The following PPHLN1 variants were observed in gnomAD, a reference collection of about 807,000 sequenced individuals.
PPHLN1 encodes the protein periphilin 1.
PPHLN1 carries 29 observed loss-of-function variants against 51.3 expected under a neutral mutation model. The ratio of observed to expected loss-of-function variants is 0.57; its 90% CI spans 0.42 to 0.77. The LOEUF (loss-of-function observed/expected upper bound fraction) is 0.77, where lower values mean the gene tolerates loss of function less well. Ranked by LOEUF, PPHLN1 falls within the 30% of genes least tolerant of loss-of-function variation. The pLI, the probability that PPHLN1 is intolerant of heterozygous loss-of-function variation, is 0.00. For missense variants in PPHLN1, 436 were observed against 438.4 expected (o/e 0.99, Z 0.05); for synonymous variants, 147 against 147.8 (o/e 0.99, Z 0.04).
At chr12:42,445,015 G>C, downstream of PPHLN1, 1 of 701,342 alleles carries the variant, frequency 1.4e-6, no homozygotes. Flanking sequence ...AATATTGTTA[G>C]TGACTCTGCT....
intron 7 of PPHLN1, 63 bp downstream of exon 7, chr12:42,387,598 CAGATG>C: frequency 1.3e-6 from 2 of 1,546,274 alleles, no homozygotes; most frequent in South Asian, 1.2e-5. Context: ...CTGACTAGTA[CAGATG>C]CTTTTATTCT....
intron 9 of PPHLN1, among the ~76,000 whole-genome samples, chr12:42,438,342 A>G (rs913277624): frequency 6.6e-6 from 1 of 152,078 alleles, no homozygotes; most frequent in African/African-American, 2.4e-5. Context: ...GGTGGTGTCA[A>G]ATTTTTTTGT....
intron 4 of PPHLN1, among the ~76,000 whole-genome samples, chr12:42,365,479 T>A (rs906320620): frequency 6.6e-6 from 1 of 152,178 alleles, no homozygotes; most frequent in Non-Finnish European, 1.5e-5. Context: ...AACATATGTC[T>A]GCTGACACTG....
downstream of PPHLN1, chr12:42,446,137 T>TCGTCGGACGA (rs1389162526): frequency 6.3e-7 from 1 of 1,580,806 alleles, no homozygotes; most frequent in Non-Finnish European, 8.6e-7. Flanking sequence ...CGACACAGCT[T>TCGTCGGACGA]CGTCGGACGA....
chr12:42,388,508 T>G (rs1456113713), intron 7 of PPHLN1, among the ~76,000 whole-genome samples: 1 of 152,168 alleles, frequency 6.6e-6, no homozygotes, highest in Non-Finnish European at 1.5e-5. Flanking sequence ...TGCATTCCTC[T>G]TGCTGAGATA....
chr12:42,329,257 G>GC (rs1185570966), intron 1 of PPHLN1, among the ~76,000 whole-genome samples: 1 of 151,478 alleles, frequency 6.6e-6, no homozygotes, highest in East Asian at 1.9e-4. Flanking sequence ...GCCCACCACC[G>GC]CCCCCGGCTA....
chr12:42,414,405 A>G (rs957638969), intron 9 of PPHLN1, among the ~76,000 whole-genome samples: 3 of 152,180 alleles, frequency 2.0e-5, no homozygotes, highest in African/African-American at 4.8e-5. Context: ...TTTTCATTAT[A>G]TTGATTCTTC....
At position 42,348,827 on chromosome 12, in the gene PPHLN1, T is replaced by G. The variant is rs528127906; in HGVS notation, c.73-3058T>G. ...TTTTGGCTTAATGTCAGTTTTTTTT[T>G]TGGGCAGCTTAGTACTTAAATTTAA... On this transcript the variant is annotated intron_variant, in intron 2 of 9. Coordinates refer to ENST00000358314, the MANE Select transcript of PPHLN1 (RefSeq NM_201439.2). Among the ~76,000 whole-genome samples the G allele has an allele frequency of 2.7e-3, 398 of 149,090 alleles. 1 individual carries two copies. Among genetic ancestry groups the G allele is most frequent in the African/African-American group, 9.4e-3 (380 of 40,496 alleles).
intron 2 of PPHLN1, among the ~76,000 whole-genome samples, chr12:42,345,475 A>G (rs927320610): frequency 2.0e-5 from 3 of 151,974 alleles, no homozygotes; most frequent in East Asian, 1.9e-4. Flanking sequence ...TGATCATACC[A>G]TTAATACTAA....
At chr12:42,439,863 C>CCTTTTTTT (rs1387771501) in intron 9 of PPHLN1, among the ~76,000 whole-genome samples, 1 of 152,004 alleles carries the variant, frequency 6.6e-6, no homozygotes, top group Non-Finnish European at 1.5e-5. Context: ...TGACTTTTTT[C>CCTTTTTTT]CTTTTTTTCT....
intron 3 of PPHLN1, among the ~76,000 whole-genome samples, chr12:42,354,133 G>GGA (rs2073759205): frequency 6.6e-6 from 1 of 152,180 alleles, no homozygotes; most frequent in Non-Finnish European, 1.5e-5. Context: ...AGTGTGTGAT[G>GGA]CTAAAGAGGA....
At position 42,376,410 on chromosome 12, in the gene PPHLN1, A is replaced by G. The variant is rs535484164; in HGVS notation, c.511+1336A>G. On this transcript the variant is annotated intron_variant, in intron 5 of 9. Transcript: ENST00000358314. ...GTCTACTCTTTGCAGAGATAGATAG[A>G]GTGGGGCTTCCCAAAAAACATATTT... Among the ~76,000 whole-genome samples the G allele has an allele frequency of 3.9e-5, 6 of 152,328 alleles. No individual in the cohort carries two copies. The South Asian group carries it at 1.2e-3, about 32-fold the overall frequency.
intron 4 of PPHLN1, among the ~76,000 whole-genome samples, chr12:42,374,010 C>G (rs2076024882): frequency 6.6e-6 from 1 of 152,078 alleles, no homozygotes; most frequent in African/African-American, 2.4e-5. Context: ...CTGGTCCCTA[C>G]CCATCAATGG....
intron 4 of PPHLN1, among the ~76,000 whole-genome samples, chr12:42,360,458 C>CTGTTTTTTTTTTTTTTT (rs2074529007): frequency 1.8e-5 from 1 of 56,274 alleles, no homozygotes; most frequent in Non-Finnish European, 3.1e-5. Flanking sequence ...ATGCTGAATT[C>CTGTTTTTTTTTTTTTTT]TTTTTTTTTT....
Position 42,433,376 on chromosome 12 carries a change from G to T in PPHLN1, c.910-7939G>T, listed in dbSNP as rs140552839. On this transcript the variant is annotated intron_variant, in intron 9 of 9. Transcript: ENST00000358314. ...GGGAGTTGCTTACTTAAGGGAGAAT[G>T]CAGTGGTGCGTTCTCTGCTCACTGC... 4.0e-4 allele frequency: 175 copies of T among 441,798 alleles called. 4 individuals carry two copies. The East Asian group carries it at 9.6e-3, about 24-fold the overall frequency. 27.4% of individuals were successfully genotyped at this position (441,798 alleles called of 1,614,324 possible). A position where few individuals can be genotyped will look rare whatever the true frequency, so the allele number is the denominator to read the frequency against.
At chr12:42,405,145 TA>T (rs1387442897) in intron 9 of PPHLN1, among the ~76,000 whole-genome samples, 14 of 152,378 alleles carry the variant, frequency 9.2e-5, no homozygotes, top group African/African-American at 3.4e-4. Context: ...GTTTTGCTTG[TA>T]TACACATAGC....
At chr12:42,377,915 C>T (rs1026190928) in intron 5 of PPHLN1, among the ~76,000 whole-genome samples, 2 of 152,094 alleles carry the variant, frequency 1.3e-5, no homozygotes, top group African/African-American at 2.4e-5. Flanking sequence ...TGAGCCGTAA[C>T]GTGATGCTCC....
At position 42,360,795 on chromosome 12, in the gene PPHLN1, C is replaced by T. The variant is rs115727575; in HGVS notation, c.299+5573C>T. ...GGCATGAGCCACCGCGCCCAGCCGCCGAATTCTTTTTCTTCCTATAGGCTG... is the reference window on the plus strand; with the variant it reads ...GGCATGAGCCACCGCGCCCAGCCGCTGAATTCTTTTTCTTCCTATAGGCTG... On this transcript the variant is annotated intron_variant, in intron 4 of 9. Transcript: ENST00000358314. Among the ~76,000 whole-genome samples the T allele has an allele frequency of 5.1e-3, 781 of 151,938 alleles. 6 individuals carry two copies. The highest frequency in any genetic ancestry group is 0.018 in the African/African-American group (745 of 41,458).
At chr12:42,336,953 T>C (rs2070745898) in intron 2 of PPHLN1, among the ~76,000 whole-genome samples, 1 of 152,210 alleles carries the variant, frequency 6.6e-6, no homozygotes, top group African/African-American at 2.4e-5. Context: ...GGTTTGTCGT[T>C]GTCCTAGATT....
Sources: allele counts gnomAD v4.1 joint callset (sites outside exome capture counted in the v4.1 genomes callset), GRCh38; gene constraint gnomAD v4.1.1; transcripts MANE v1.5; gene names NCBI Gene and HGNC (gene_info 2026-07-23, HGNC 2026-07-21).